NUP107: variants seen among roughly 807,000 people sequenced by gnomAD.
The protein encoded by NUP107 is nucleoporin 107.
In NUP107, 101 loss-of-function variants were observed where a neutral mutation model predicts 141.0. The observed-to-expected ratio is 0.72, with a 90% CI of 0.61 to 0.84. NUP107 has a LOEUF of 0.84. Ranked by LOEUF, NUP107 falls within the 40% of genes least tolerant of loss-of-function variation. The probability of loss-of-function intolerance (pLI) is 0.00; values close to 1 mark genes in which losing one functional copy is unlikely to be tolerated. For synonymous variants in NUP107, 319 were observed against 363.9 expected (o/e 0.88, Z 1.41); for missense variants, 941 against 1,102.7 (o/e 0.85, Z 2.08).
chr12:68,705,635 T>C (rs1876541587), intron 8 of NUP107: 7 of 535,822 alleles, frequency 1.3e-5, no homozygotes, highest in Non-Finnish European at 2.5e-5. Flanking sequence ...GCCTCCACCA[T>C]GTCCATCAGA....
intron 5 of NUP107, among the ~76,000 whole-genome samples, chr12:68,692,647 A>G (rs892001635): frequency 6.6e-6 from 1 of 151,542 alleles, no homozygotes; most frequent in Admixed American, 6.6e-5. Flanking sequence ...CAGTGGCACA[A>G]TCATGGCTCA....
In NUP107 at chr12:68,696,885, A is replaced by G; in HGVS notation, c.515A>G (p.Asp172Gly). ...FLKHSSSTVF[D>G]LVEEYENICG... ...AAGCACTCTTCGAGTACAGTTTTTG[A>G]TCTTGTGGAAGAGTATGAAAACATC... Residue 172 changes from aspartate (D) to glycine (G), a missense_variant, in exon 6 of 28, where the codon GAT (aspartate) becomes GGT (glycine). By Grantham distance (94) the Asp-to-Gly change is moderately conservative. Transcript: ENST00000229179. 6.2e-7 allele frequency: 1 copy of G among 1,607,910 alleles called. No homozygotes were observed. The highest frequency in any genetic ancestry group is 1.1e-5 in the South Asian group (1 of 90,554).
At chr12:68,698,990 A>G (rs1211478686) in intron 6 of NUP107, among the ~76,000 whole-genome samples, 1 of 152,102 alleles carries the variant, frequency 6.6e-6, no homozygotes, top group East Asian at 1.9e-4. Flanking sequence ...ATACCATTCT[A>G]GTGTTAGATA....
intron 12 of NUP107, among the ~76,000 whole-genome samples, chr12:68,716,245 C>CT (rs71436075): frequency 8.6e-5 from 10 of 116,252 alleles, no homozygotes; most frequent in South Asian, 3.0e-4. Context: ...TTCTTTCTTT[C>CT]TTTTTTTTTT....
intron 4 of NUP107, 99 bp downstream of exon 4, chr12:68,690,845 C>A: frequency 8.2e-7 from 1 of 1,218,528 alleles, no homozygotes; most frequent in South Asian, 1.4e-5. Context: ...TCAAGTGATT[C>A]TCCCGCCTTG....
chr12:68,716,851 T>A (rs1353617248), intron 12 of NUP107, among the ~76,000 whole-genome samples: 1 of 152,202 alleles, frequency 6.6e-6, no homozygotes, highest in East Asian at 1.9e-4. Context: ...AAGTGTTGTT[T>A]GTTTTCTTCT....
chr12:68,728,909 C>A (rs537057526), intron 20 of NUP107, among the ~76,000 whole-genome samples: 1 of 152,090 alleles, frequency 6.6e-6, no homozygotes, highest in African/African-American at 2.4e-5. Flanking sequence ...CAGTTACAGA[C>A]CTCAATCTAC....
chr12:68,722,178 G>A (rs890836454), intron 17 of NUP107, 26 bp downstream of exon 17: 4 of 1,597,538 alleles, frequency 2.5e-6, no homozygotes, highest in Non-Finnish European at 3.4e-6. Flanking sequence ...AATATGTTAG[G>A]TATCTGGAAT....
At chr12:68,738,306 C>T (rs190576406) in intron 26 of NUP107, among the ~76,000 whole-genome samples, 25 of 151,556 alleles carry the variant, frequency 1.6e-4, no homozygotes, top group African/African-American at 5.6e-4. Context: ...AAAAATTAGC[C>T]GGGTGTGGTG....
At chr12:68,687,632 C>G in intron 1 of NUP107, 1 of 985,760 alleles carries the variant, frequency 1.0e-6, no homozygotes, top group South Asian at 4.7e-5. Context: ...GTCACTGTAA[C>G]TATCAGGAAG....
At chr12:68,692,650 A>T (rs998454408) in intron 5 of NUP107, among the ~76,000 whole-genome samples, 1 of 151,830 alleles carries the variant, frequency 6.6e-6, no homozygotes, top group African/African-American at 2.4e-5. Context: ...TGGCACAATC[A>T]TGGCTCACTG....
intron 18 of NUP107, 77 bp downstream of exon 18, chr12:68,725,873 GT>G (rs752156184): frequency 1.4e-6 from 1 of 709,948 alleles, no homozygotes; most frequent in Non-Finnish European, 2.2e-6. Flanking sequence ...GTCTCACCCT[GT>G]TGCCCAGACT....
Position 68,692,078 on chromosome 12 carries a change from T to C in NUP107, c.414T>C (p.Ala138=), listed in dbSNP as rs1443041501. The C allele has an allele frequency of 6.2e-7, 1 of 1,609,424 alleles. No homozygotes were observed. The change falls in exon 5 of 28, where the codon GCT becomes GCC. Residue 138 remains alanine, a synonymous_variant. Coordinates refer to ENST00000229179, the MANE Select transcript of NUP107 (RefSeq NM_020401.4). ...TAACAGAAGATGTAACTATCAGTGCTGTTATGTTACGTGAGGATGATCCTG... is the reference window on the plus strand; with the variant it reads ...TAACAGAAGATGTAACTATCAGTGCCGTTATGTTACGTGAGGATGATCCTG... ...HSITEDVTIS[A]VMLREDDPGE... is the part of the protein sequence containing the mutation.
At chr12:68,706,115 C>A in intron 8 of NUP107, 1 of 768,254 alleles carries the variant, frequency 1.3e-6, no homozygotes. Context: ...GAAGCTGAAG[C>A]TGGAGGTGGA....
chr12:68,715,559 A>T, intron 11 of NUP107, 68 bp from the exon 12 acceptor site: 1 of 813,146 alleles, frequency 1.2e-6, no homozygotes, highest in Non-Finnish European at 2.1e-6. Context: ...TCATCTCTTG[A>T]TGATGTGTAA....
rs761929820 is a variant in NUP107, at chr12:68,721,102, A to G, written c.1252-16A>G. 2.0e-6 allele frequency: 3 copies of G among 1,532,756 alleles called. No homozygotes were observed. The highest frequency in any genetic ancestry group is 1.2e-5 in the South Asian group (1 of 85,706). 94.9% of individuals were successfully genotyped at this position (1,532,756 alleles called of 1,614,324 possible). On this transcript the variant is annotated splice_polypyrimidine_tract_variant and intron_variant, in intron 14 of 27. Transcript: ENST00000229179. Reference sequence around the variant, plus strand: ...AAAACAATATTTCAAATTTGTTTATATTCATTGTGTTTTAGGAGCTTTTTA... The same window carrying G: ...AAAACAATATTTCAAATTTGTTTATGTTCATTGTGTTTTAGGAGCTTTTTA...
In NUP107 at chr12:68,713,719, ATTTC is replaced by A. The variant is rs1449819981; in HGVS notation, c.891-6_891-3del. The A allele has an allele frequency of 3.2e-6, 5 of 1,585,946 alleles. No homozygotes were observed. The highest frequency in any genetic ancestry group is 4.3e-6 in the Non-Finnish European group (5 of 1,169,802). ...CCTCTTAAAAAATTTGGTACTTATT[ATTTC>A]TTTCAGGGAAAATACTCTGCATACC... On this transcript the variant is annotated splice_polypyrimidine_tract_variant and splice_region_variant and intron_variant, in intron 10 of 27. Transcript: ENST00000229179.
rs766388085 is a variant in NUP107 at position 68,689,511 on chromosome 12, CTT to C, written c.101-19_101-18del. 2 of 1,447,968 alleles carry C rather than the reference CTT, an allele frequency of 1.4e-6. No homozygotes were observed. The highest frequency in any genetic ancestry group is 2.4e-5 in the East Asian group (1 of 42,180). The allele number at this position is 1,447,968 out of a possible 1,614,324, so 89.7% of individuals were successfully genotyped here. Reference sequence around the variant, plus strand: ...AGTGATCTCTTTTCTACATGGAAAACTTTTCTTAACTCGTTGTACAGTTCAGG... The same window carrying C: ...AGTGATCTCTTTTCTACATGGAAAACTTCTTAACTCGTTGTACAGTTCAGG... On this transcript the variant is annotated intron_variant, in intron 2 of 27. Coordinates refer to ENST00000229179, the MANE Select transcript of NUP107 (RefSeq NM_020401.4).
intron 12 of NUP107, among the ~76,000 whole-genome samples, chr12:68,717,167 G>C (rs1309900809): frequency 6.6e-6 from 1 of 152,110 alleles, no homozygotes; most frequent in Non-Finnish European, 1.5e-5. Context: ...CAAAGTGCTA[G>C]GATTACAGGC....
Sources: allele counts gnomAD v4.1 joint callset (sites outside exome capture counted in the v4.1 genomes callset), GRCh38; gene constraint gnomAD v4.1.1; transcripts MANE v1.5; gene names NCBI Gene and HGNC (gene_info 2026-07-23, HGNC 2026-07-21).